The following CASP10 variants were observed in gnomAD, a reference collection of about 807,000 sequenced individuals.
The protein encoded by CASP10 is caspase-10.
CASP10 carries 41 observed loss-of-function variants against 48.5 expected under a neutral mutation model. The ratio of observed to expected loss-of-function variants is 0.85; its 90% CI spans 0.66 to 1.10. The LOEUF (loss-of-function observed/expected upper bound fraction) is 1.10. Among genes scored for constraint, CASP10 ranks in the 50% least tolerant of loss-of-function variants. CASP10 has a pLI of 0.00. For synonymous variants in CASP10, 232 were observed against 238.4 expected, an observed-to-expected ratio of 0.97 and a Z score of 0.25; for missense variants, 614 against 614.5, an observed-to-expected ratio of 1.00 and a Z score of 0.01.
At chr2:201,186,155 G>A (rs1233140421) in intron 2 of CASP10, 31 bp downstream of exon 2, 2 of 1,458,226 alleles carry the variant, frequency 1.4e-6, no homozygotes, top group Non-Finnish European at 1.9e-6. Flanking sequence ...GAGATGGGAG[G>A]ATCTCCCATC....
intron 9 of CASP10, among the ~76,000 whole-genome samples, chr2:201,215,715 C>T (rs1945548241): frequency 6.6e-6 from 1 of 152,120 alleles, no homozygotes; most frequent in Admixed American, 6.6e-5. Flanking sequence ...TCTTTTTGCT[C>T]AGCATTGCTT....
In CASP10 at chr2:201,219,880, T is replaced by C. The variant is rs1195772384; in HGVS notation, c.*2139T>C. On this transcript the variant is annotated 3_prime_UTR_variant, in exon 10 of 10. Coordinates refer to ENST00000286186, the MANE Select transcript of CASP10 (RefSeq NM_032977.4). ...GGGGATGTGAACAACCTGCTCACAG[T>C]CCTCATTTACTGGATTTGACTTCAG... 10 of 985,400 alleles carry C rather than the reference T, an allele frequency of 1.0e-5. No individual in the cohort carries two copies. Among genetic ancestry groups the C allele is most frequent in the Non-Finnish European group, 1.2e-5 (10 of 829,924 alleles). The allele number at this position is 985,400 out of a possible 1,614,324, so 61.0% of individuals were successfully genotyped here.
chr2:201,207,971 A>G (rs1945264295), intron 7 of CASP10, 104 bp from the exon 8 acceptor site: 2 of 781,080 alleles, frequency 2.6e-6, no homozygotes, highest in Non-Finnish European at 4.6e-6. Flanking sequence ...ATGGGGAGAT[A>G]CATCCTGCTC....
In CASP10 at chr2:201,218,066, A is replaced by G. The variant is rs892843463; in HGVS notation, c.*325A>G. 5.7e-6 allele frequency: 4 copies of G among 696,038 alleles called. No homozygotes were observed. Among genetic ancestry groups the G allele is most frequent in the Non-Finnish European group, 5.9e-6 (3 of 505,882 alleles). 43.1% of individuals were successfully genotyped at this position (696,038 alleles called of 1,614,324 possible). A position where few individuals can be genotyped will look rare whatever the true frequency, so the allele number is the denominator to read the frequency against. ...GTAGCTGGGACCACAGGTGTGTACCACCGTGCCCGGATTTTTTTTATTCTT... is the reference window on the plus strand; with the variant it reads ...GTAGCTGGGACCACAGGTGTGTACCGCCGTGCCCGGATTTTTTTTATTCTT... On this transcript the variant is annotated 3_prime_UTR_variant, in exon 10 of 10. Coordinates refer to ENST00000286186, the MANE Select transcript of CASP10 (RefSeq NM_032977.4).
In CASP10 at chr2:201,186,111, G is replaced by A; in HGVS notation, c.334G>A (p.Val112Ile). Reference sequence around the variant, plus strand: ...GCGACTGCTGCCCACCCGACAAAGGGTTTCTCTGTTTAGGTGAGGACGGGT... The same window carrying A: ...GCGACTGCTGCCCACCCGACAAAGGATTTCTCTGTTTAGGTGAGGACGGGT... ...VERLLPTRQRVSLFRNLLYEL... is the reference protein window; with the variant it reads ...VERLLPTRQRISLFRNLLYEL... Residue 112 changes from valine (V) to isoleucine (I), a missense_variant, in exon 2 of 10, where the codon GTT becomes ATT. By Grantham distance (29) the Val-to-Ile change is conservative (BLOSUM62 3). Coordinates refer to ENST00000286186, the MANE Select transcript of CASP10 (RefSeq NM_032977.4). 1 of 1,611,764 alleles carries A rather than the reference G, an allele frequency of 6.2e-7. No homozygotes were observed. The highest frequency in any genetic ancestry group is 1.3e-5 in the African/African-American group (1 of 74,978).
chr2:201,193,706 G>A (rs1374618690), intron 4 of CASP10, among the ~76,000 whole-genome samples: 1 of 152,204 alleles, frequency 6.6e-6, no homozygotes, highest in Non-Finnish European at 1.5e-5. Context: ...AGTAGTTTTA[G>A]ACAAACGTCT....
In CASP10 at chr2:201,221,332, A is replaced by C. The variant is rs1297066259; in HGVS notation, c.*3591A>C. The C allele has an allele frequency of 1.0e-6, 1 of 972,634 alleles. No individual in the cohort carries two copies. The highest frequency in any genetic ancestry group is 6.1e-5 in the Admixed American group (1 of 16,270). The allele number at this position is 972,634 out of a possible 1,614,324, so 60.3% of individuals were successfully genotyped here. ...CAGGCCTCTGAGCCCAAGCTAAGCCATCATATCCCTTGTGACCTGCACATA... is the reference window on the plus strand; with the variant it reads ...CAGGCCTCTGAGCCCAAGCTAAGCCCTCATATCCCTTGTGACCTGCACATA... On this transcript the variant is annotated 3_prime_UTR_variant, in exon 10 of 10. Transcript: ENST00000286186.
chr2:201,209,180 C>T lies in CASP10; in HGVS notation c.1033C>T (p.His345Tyr), dbSNP rs1559309100. The change falls in exon 9 of 10, where the codon CAT becomes TAT. Residue 345 changes from histidine to tyrosine, a missense_variant. By Grantham distance (83) the His-to-Tyr change is moderately conservative. Coordinates refer to ENST00000286186, the MANE Select transcript of CASP10 (RefSeq NM_032977.4). ...GCAGAAGCAGAAGTGCAATCCAGCC[C>T]ATGCCGACGGGGACTGCTTCGTGTT... is the stretch of plus-strand genomic sequence containing the variant. Reference protein sequence around the residue: ...VLQKQKCNPAHADGDCFVFCI... With the variant: ...VLQKQKCNPAYADGDCFVFCI... 6.2e-7 allele frequency: 1 copy of T among 1,612,668 alleles called. No individual in the cohort carries two copies. Among genetic ancestry groups the T allele is most frequent in the Non-Finnish European group, 8.5e-7 (1 of 1,178,976 alleles).
chr2:201,217,963 G>T lies in CASP10; in HGVS notation c.*222G>T. 8.1e-7 allele frequency: 1 copy of T among 1,230,380 alleles called. No homozygotes were observed. The highest frequency in any genetic ancestry group is 1.6e-5 in the South Asian group (1 of 63,854). The allele number at this position is 1,230,380 out of a possible 1,614,324, so 76.2% of individuals were successfully genotyped here. On this transcript the variant is annotated 3_prime_UTR_variant, in exon 10 of 10. Transcript: ENST00000286186. ...TAGTCTCATTCTGTCACCCAGACTG[G>T]AGTGCAGGGGGGCAATCACGGCTCA...
chr2:201,211,566 C>T (rs1328981629), intron 9 of CASP10, among the ~76,000 whole-genome samples: 1 of 152,138 alleles, frequency 6.6e-6, no homozygotes, highest in Non-Finnish European at 1.5e-5. Flanking sequence ...TTTTTTATGG[C>T]TGAATGGTAT....
At chr2:201,191,947 T>A (rs1196774350) in intron 3 of CASP10, among the ~76,000 whole-genome samples, 2 of 152,248 alleles carry the variant, frequency 1.3e-5, no homozygotes, top group African/African-American at 2.4e-5. Flanking sequence ...AGAGTGGTGT[T>A]AAACTAATGT....
intron 7 of CASP10, among the ~76,000 whole-genome samples, chr2:201,207,396 G>T (rs184040340): frequency 6.6e-6 from 1 of 152,054 alleles, no homozygotes; most frequent in Non-Finnish European, 1.5e-5. Flanking sequence ...TGAGGTGGGC[G>T]AATCACTTGA....
In CASP10 at chr2:201,185,951, C is replaced by T. The variant is rs114625983; in HGVS notation, c.174C>T (p.Ala58=). 1.6e-4 allele frequency: 256 copies of T among 1,614,170 alleles called. No individual in the cohort carries two copies. Among genetic ancestry groups the T allele is most frequent in the Middle Eastern group, 9.9e-4 (6 of 6,050 alleles). The change falls in exon 2 of 10, where the codon GCC becomes GCT. Residue 58 remains alanine, a synonymous_variant. Coordinates refer to ENST00000286186, the MANE Select transcript of CASP10 (RefSeq NM_032977.4). Reference sequence around the variant, plus strand: ...AGAAGCTGGAGAAGTCCAGCTCAGCCTCAGATGTTTTTGAACATCTCTTGG... The same window carrying T: ...AGAAGCTGGAGAAGTCCAGCTCAGCTTCAGATGTTTTTGAACATCTCTTGG... ...PNKKLEKSSS[A]SDVFEHLLAE... is the part of the protein sequence containing the mutation.
chr2:201,195,240 C>A (rs939660521), intron 4 of CASP10, among the ~76,000 whole-genome samples: 2 of 151,682 alleles, frequency 1.3e-5, no homozygotes, highest in Non-Finnish European at 2.9e-5. Flanking sequence ...TACAGATGCC[C>A]GCCACCATGC....
At chr2:201,211,015 T>G (rs1174464327) in intron 9 of CASP10, among the ~76,000 whole-genome samples, 2 of 152,204 alleles carry the variant, frequency 1.3e-5, no homozygotes, top group African/African-American at 4.8e-5. Context: ...TCAATACATA[T>G]ATGTGTTGTA....
Position 201,208,168 on chromosome 2 carries a change from A to G in CASP10, c.907A>G (p.Thr303Ala). The G allele has an allele frequency of 6.2e-7, 1 of 1,613,116 alleles. No individual in the cohort carries two copies. The highest frequency in any genetic ancestry group is 8.5e-7 in the Non-Finnish European group (1 of 1,179,608). The change falls in exon 8 of 10, where the codon ACC becomes GCC. Residue 303 changes from threonine to alanine, a missense_variant. Transcript: ENST00000286186. ...TACCTCCCTGAAGGACAGACAAGGAACCCATAAAGATGCTGGTAAGAAAGT... is the reference window on the plus strand; with the variant it reads ...TACCTCCCTGAAGGACAGACAAGGAGCCCATAAAGATGCTGGTAAGAAAGT... The part of the protein sequence containing the change: ...SFTSLKDRQG[T>A]HKDAEILSHV...
chr2:201,188,222 C>T (rs1334360411), intron 3 of CASP10, among the ~76,000 whole-genome samples: 1 of 152,090 alleles, frequency 6.6e-6, no homozygotes, highest in African/African-American at 2.4e-5. Flanking sequence ...CCTTGTTGCC[C>T]AGGCTGGAGT....
chr2:201,198,881 T>C (rs1275355163), intron 5 of CASP10, among the ~76,000 whole-genome samples: 1 of 152,194 alleles, frequency 6.6e-6, no homozygotes, highest in African/African-American at 2.4e-5. Flanking sequence ...TTCTTTACTA[T>C]TGTCATGGTC....
intron 4 of CASP10, among the ~76,000 whole-genome samples, chr2:201,193,813 C>CTAT (rs1195570432): frequency 6.6e-6 from 1 of 152,168 alleles, no homozygotes; most frequent in Non-Finnish European, 1.5e-5. Context: ...AGAGTGGACT[C>CTAT]TATAGAGTCG....
Sources: allele counts gnomAD v4.1 joint callset (sites outside exome capture counted in the v4.1 genomes callset), GRCh38; gene constraint gnomAD v4.1.1; transcripts MANE v1.5; gene names NCBI Gene and HGNC (gene_info 2026-07-23, HGNC 2026-07-21).